PAICS: variants seen among roughly 807,000 people sequenced by gnomAD.
PAICS encodes bifunctional phosphoribosylaminoimidazole carboxylase/phosphoribosylaminoimidazole succinocarboxamide synthetase.
PAICS carries 33 observed loss-of-function variants against 53.7 expected under a neutral mutation model. That is an observed-to-expected ratio of 0.61 (90% CI 0.47 to 0.82). PAICS has a LOEUF of 0.82. Ranked by LOEUF, PAICS falls within the 40% of genes least tolerant of loss-of-function variation. PAICS has a pLI of 0.00. For synonymous variants in PAICS, 141 were observed against 167.2 expected (o/e 0.84, Z 1.21); for missense variants, 394 against 494.1 (o/e 0.80, Z 1.92).
At position 56,453,773 on chromosome 4, in the gene PAICS, T is replaced by G. The variant is rs768461994; in HGVS notation, c.1111+12T>G. ...TCGACTACCCAGTGGTAAGATACAT[T>G]GAATTTTTAAAAACTGTTCATTACA... On this transcript the variant is annotated intron_variant, in intron 8 of 8. Transcript: ENST00000512576. 7 of 1,524,658 alleles carry G rather than the reference T, an allele frequency of 4.6e-6. No homozygotes were observed. The highest frequency in any genetic ancestry group is 6.2e-6 in the Non-Finnish European group (7 of 1,124,826). The allele number at this position is 1,524,658 out of a possible 1,614,324, so 94.4% of individuals were successfully genotyped here. A position where few individuals can be genotyped will look rare whatever the true frequency, so the allele number is the denominator to read the frequency against.
At chr4:56,435,841 A>G, upstream of PAICS, 1 of 1,496,966 alleles carries the variant, frequency 6.7e-7, no homozygotes, top group South Asian at 1.1e-5. Context: ...GCGTAATGGG[A>G]GTAACGGACT....
Position 56,459,389 on chromosome 4 carries a change from G to A in PAICS, c.1129G>A (p.Val377Ile), listed in dbSNP as rs752041122. ...ACCAATAGGTCTTGGCTGTTCAACCGTACTTTCTCCAGAAGGATCAGCTCA... is the reference window on the plus strand; with the variant it reads ...ACCAATAGGTCTTGGCTGTTCAACCATACTTTCTCCAGAAGGATCAGCTCA... The part of the protein sequence containing the change: ...RLPSGLGCST[V>I]LSPEGSAQFA... The change falls in exon 9 of 9, where the codon GTA (valine) becomes ATA (isoleucine). Residue 377 changes from valine (V) to isoleucine (I), a missense_variant. Coordinates refer to ENST00000512576, the MANE Select transcript of PAICS (RefSeq NM_001079524.2). 26 of 1,591,952 alleles carry A rather than the reference G, an allele frequency of 1.6e-5. No individual in the cohort carries two copies. The East Asian group carries it at 2.3e-4, about 14-fold the overall frequency.
At chr4:56,443,276 G>A (rs1193716311) in intron 2 of PAICS, among the ~76,000 whole-genome samples, 11 of 152,270 alleles carry the variant, frequency 7.2e-5, no homozygotes, top group African/African-American at 2.6e-4. Context: ...CCATCTCCTG[G>A]GTTCAAGCGA....
rs1352267934 is a variant in PAICS at position 56,463,761 on chromosome 4, C to A, written c.*4223C>A. ...GGCTAAATCCATTAATATAAAAATA[C>A]ATTGTGGATACTGATGAGATGGCTA... On this transcript the variant is annotated 3_prime_UTR_variant, in exon 9 of 9. Transcript: ENST00000512576. The A allele has an allele frequency of 6.7e-6, 1 of 149,720 alleles. No homozygotes were observed. The highest frequency in any genetic ancestry group is 1.5e-5 in the Non-Finnish European group (1 of 67,502). The allele number at this position is 149,720 out of a possible 1,614,324, so 9.3% of individuals were successfully genotyped here.
intron 2 of PAICS, among the ~76,000 whole-genome samples, chr4:56,444,285 T>C (rs1159073526): frequency 1.3e-5 from 2 of 152,126 alleles, no homozygotes; most frequent in African/African-American, 4.8e-5. Flanking sequence ...TATAACTGTG[T>C]TATAACTGTG....
the PAICS span, among the ~76,000 whole-genome samples, chr4:56,414,981 A>T: frequency 6.6e-6 from 1 of 152,230 alleles, no homozygotes; most frequent in Non-Finnish European, 1.5e-5. Flanking sequence ...GAAAGCAGTG[A>T]TGTGCTTTTG....
upstream of PAICS, among the ~76,000 whole-genome samples, chr4:56,433,408 A>G (rs1287148486): frequency 1.3e-5 from 2 of 149,660 alleles, no homozygotes; most frequent in African/African-American, 5.1e-5. Flanking sequence ...AAAAAAAAAA[A>G]AAAAGAAAAA....
intron 1 of PAICS, among the ~76,000 whole-genome samples, chr4:56,438,370 T>TG (rs1560656242): frequency 1.3e-5 from 1 of 77,536 alleles, no homozygotes; most frequent in Admixed American, 1.9e-4. Flanking sequence ...GTGCAATGTG[T>TG]TTATATATAT....
intron 1 of PAICS, among the ~76,000 whole-genome samples, chr4:56,437,195 AGTC>A (rs774477407): frequency 1.5e-4 from 22 of 145,050 alleles, no homozygotes; most frequent in Non-Finnish European, 2.5e-4. Context: ...GTGTTGAAGT[AGTC>A]TGATTCCATG....
the PAICS span, among the ~76,000 whole-genome samples, chr4:56,417,835 G>GTT: frequency 3.9e-5 from 4 of 102,592 alleles, no homozygotes; most frequent in African/African-American, 6.9e-5. Context: ...TGAAGATTTG[G>GTT]TTTTTTGTTT....
chr4:56,449,831 C>G (rs1718809472), intron 5 of PAICS, among the ~76,000 whole-genome samples: 1 of 148,294 alleles, frequency 6.7e-6, no homozygotes, highest in African/African-American at 2.5e-5. Context: ...AAAAAATTAG[C>G]CAGGCATGGT....
At chr4:56,426,573 G>A in the PAICS span, among the ~76,000 whole-genome samples, 1 of 151,994 alleles carries the variant, frequency 6.6e-6, no homozygotes, top group Admixed American at 6.6e-5. Context: ...TTTGTTTCAC[G>A]GTTCATCCAC....
intron 2 of PAICS, among the ~76,000 whole-genome samples, chr4:56,444,400 T>G (rs1718494172): frequency 6.6e-6 from 1 of 152,120 alleles, no homozygotes; most frequent in African/African-American, 2.4e-5. Context: ...ATAATTACAT[T>G]AAGTGTAATA....
intron 1 of PAICS, among the ~76,000 whole-genome samples, chr4:56,436,933 G>T (rs1240234593): frequency 1.3e-5 from 2 of 152,206 alleles, no homozygotes; most frequent in East Asian, 3.9e-4. Flanking sequence ...GGAGGCGGAG[G>T]TTGCAGTGAG....
chr4:56,415,160 A>G, the PAICS span, among the ~76,000 whole-genome samples: 1 of 152,214 alleles, frequency 6.6e-6, no homozygotes, highest in Admixed American at 6.5e-5. Context: ...ATCACACCTA[A>G]AAGTTGATAT....
chr4:56,435,978 A>T (rs571956607), upstream of PAICS: 12 of 1,509,208 alleles, frequency 8.0e-6, no homozygotes, highest in South Asian at 1.3e-4. Context: ...GGGCCGGGGT[A>T]TGCGAGCTTC....
chr4:56,435,332 C>T (rs1403480355), upstream of PAICS: 15 of 1,613,324 alleles, frequency 9.3e-6, no homozygotes, highest in Admixed American at 2.2e-4. Flanking sequence ...CCCCCGCCAC[C>T]CCCACCCTGT....
At chr4:56,435,272 T>TC (rs779466386), upstream of PAICS, 155 of 1,592,380 alleles carry the variant, frequency 9.7e-5, no homozygotes, top group Non-Finnish European at 1.3e-4. Context: ...CCTCGGGCGC[T>TC]CATGAGAACG....
chr4:56,440,632 T>C lies in PAICS; in HGVS notation c.17-1031T>C, dbSNP rs973113611. Among the ~76,000 whole-genome samples the C allele has an allele frequency of 5.3e-5, 8 of 152,250 alleles. 1 individual carries two copies. Among genetic ancestry groups the C allele is most frequent in the African/African-American group, 1.9e-4 (8 of 41,464 alleles). On this transcript the variant is annotated intron_variant, in intron 1 of 8. Transcript: ENST00000512576. ...TTTCTCTCCTTTGGCTAAATTTCGA[T>C]GATTCTTCAGATTTCAACCTGTCAC...
Sources: allele counts gnomAD v4.1 joint callset (sites outside exome capture counted in the v4.1 genomes callset), GRCh38; gene constraint gnomAD v4.1.1; transcripts MANE v1.5; gene names NCBI Gene and HGNC (gene_info 2026-07-23, HGNC 2026-07-21).